The following TIMM29 variants were observed in gnomAD, a reference collection of about 807,000 sequenced individuals.
The protein encoded by TIMM29 is translocase of inner mitochondrial membrane 29.
Under a neutral mutation model 19.5 loss-of-function variants are expected in TIMM29, and 23 were observed. The observed-to-expected ratio is 1.18, with a 90% CI of 0.85 to 1.67. The LOEUF (loss-of-function observed/expected upper bound fraction) is 1.67. Ranked by LOEUF, TIMM29 falls within the 40% of genes most tolerant of loss-of-function variation. The pLI is 0.00. For missense variants in TIMM29, 404 were observed against 384.7 expected (o/e 1.05, Z -0.42); for synonymous variants, 209 against 185.0 (o/e 1.13, Z -1.05).
In TIMM29 at chr19:10,929,327, G is replaced by T. The variant is rs752972395; in HGVS notation, c.408G>T (p.Ala136=). The change falls in exon 2 of 2, where the codon GCG becomes GCT. Residue 136 remains alanine, a synonymous_variant. Coordinates refer to ENST00000270502, the MANE Select transcript of TIMM29 (RefSeq NM_138358.4). ...NLGLCSLVYE[A]PFDAQASLYQ... ...GGCTCTGCTCGCTGGTGTACGAGGC[G>T]CCCTTCGACGCCCAGGCCAGCCTCT... 2 of 1,560,236 alleles carry T rather than the reference G, an allele frequency of 1.3e-6. No homozygotes were observed. The highest frequency in any genetic ancestry group is 2.4e-5 in the East Asian group (1 of 41,956).
At position 10,929,723 on chromosome 19, in the gene TIMM29, C is replaced by T; in HGVS notation, c.*21C>T. On this transcript the variant is annotated 3_prime_UTR_variant, in exon 2 of 2. Coordinates refer to ENST00000270502, the MANE Select transcript of TIMM29 (RefSeq NM_138358.4). Reference sequence around the variant, plus strand: ...GATGAAACCCTGAGGCCCCCGAGTCCTGGCAAACTGCTTGCCTGGGGTGGT... The same window carrying T: ...GATGAAACCCTGAGGCCCCCGAGTCTTGGCAAACTGCTTGCCTGGGGTGGT... 4 of 1,561,644 alleles carry T rather than the reference C, an allele frequency of 2.6e-6. No homozygotes were observed. The South Asian group carries it at 4.6e-5, about 18-fold the overall frequency.
chr19:10,929,085 C>T lies in TIMM29; in HGVS notation c.166C>T (p.Arg56Trp), dbSNP rs2083470810. The change falls in exon 2 of 2, where the codon CGG (arginine) becomes TGG (tryptophan). Residue 56 changes from arginine (R) to tryptophan (W), a missense_variant. Transcript: ENST00000270502. ...GGACGCTTCGGCGGAGGCTAGGGCCCGGCCGGGGCGCGCCGCTGTGTATGT... is the reference window on the plus strand; with the variant it reads ...GGACGCTTCGGCGGAGGCTAGGGCCTGGCCGGGGCGCGCCGCTGTGTATGT... ...CRDASAEARA[R>W]PGRAAVYVGL... is the part of the protein sequence containing the mutation. 6 of 1,458,092 alleles carry T rather than the reference C, an allele frequency of 4.1e-6. No homozygotes were observed. Among genetic ancestry groups the T allele is most frequent in the Non-Finnish European group, 5.4e-6 (6 of 1,118,506 alleles). The allele number at this position is 1,458,092 out of a possible 1,614,324, so 90.3% of individuals were successfully genotyped here. A position where few individuals can be genotyped will look rare whatever the true frequency, so the allele number is the denominator to read the frequency against.
chr19:10,929,720 G>A lies in TIMM29; in HGVS notation c.*18G>A, dbSNP rs1277787114. On this transcript the variant is annotated 3_prime_UTR_variant, in exon 2 of 2. Coordinates refer to ENST00000270502, the MANE Select transcript of TIMM29 (RefSeq NM_138358.4). ...CGAGATGAAACCCTGAGGCCCCCGAGTCCTGGCAAACTGCTTGCCTGGGGT... is the reference window on the plus strand; with the variant it reads ...CGAGATGAAACCCTGAGGCCCCCGAATCCTGGCAAACTGCTTGCCTGGGGT... 6.4e-7 allele frequency: 1 copy of A among 1,568,128 alleles called. No homozygotes were observed. The highest frequency in any genetic ancestry group is 8.7e-7 in the Non-Finnish European group (1 of 1,155,276).
rs945018907 is a variant in TIMM29, at chr19:10,929,082, G to C, written c.163G>C (p.Ala55Pro). 150 of 1,459,710 alleles carry C rather than the reference G, an allele frequency of 1.0e-4. No individual in the cohort carries two copies. The highest frequency in any genetic ancestry group is 1.3e-4 in the Non-Finnish European group (142 of 1,119,336). 90.4% of individuals were successfully genotyped at this position (1,459,710 alleles called of 1,614,324 possible). A position where few individuals can be genotyped will look rare whatever the true frequency, so the allele number is the denominator to read the frequency against. The part of the protein sequence containing the change: ...ACRDASAEAR[A>P]RPGRAAVYVG... ...CAGGGACGCTTCGGCGGAGGCTAGG[G>C]CCCGGCCGGGGCGCGCCGCTGTGTA... The change falls in exon 2 of 2, where the codon GCC becomes CCC. Residue 55 changes from alanine to proline, a missense_variant. Coordinates refer to ENST00000270502, the MANE Select transcript of TIMM29 (RefSeq NM_138358.4).
At position 10,928,894 on chromosome 19, in the gene TIMM29, G is replaced by A. The variant is rs544209641; in HGVS notation, c.72G>A (p.Lys24=). 154 of 1,524,740 alleles carry A rather than the reference G, an allele frequency of 1.0e-4. No individual in the cohort carries two copies. In the African/African-American group the frequency reaches 2.0e-3, roughly 20 times the overall value. 94.5% of individuals were successfully genotyped at this position (1,524,740 alleles called of 1,614,324 possible). A position where few individuals can be genotyped will look rare whatever the true frequency, so the allele number is the denominator to read the frequency against. The change falls in exon 1 of 2, where the codon AAG becomes AAA. Residue 24 remains lysine, a synonymous_variant. Coordinates refer to ENST00000270502, the MANE Select transcript of TIMM29 (RefSeq NM_138358.4). ...RAEAGDAVVA[K]PGVWARLGSW... ...AGGCGGGCGACGCGGTAGTGGCGAA[G>A]CCGGGAGTGTGGGCGCGGCTGGGTG...
Position 10,929,699 on chromosome 19 carries a change from A to T in TIMM29, c.780A>T (p.Arg260Ser). 2 of 1,596,080 alleles carry T rather than the reference A, an allele frequency of 1.3e-6. No individual in the cohort carries two copies. The highest frequency in any genetic ancestry group is 3.5e-5 in the Admixed American group (2 of 57,340). The change falls in exon 2 of 2, where the codon AGA becomes AGT. Residue 260 changes from arginine (R) to serine (S), a missense_variant. Arg to Ser is a moderately radical substitution (Grantham distance 110, BLOSUM62 -1). Coordinates refer to ENST00000270502, the MANE Select transcript of TIMM29 (RefSeq NM_138358.4). ...CGCTGGTGCAGGCGGAGGCCCCGAG[A>T]TGAAACCCTGAGGCCCCCGAGTCCT... is the stretch of plus-strand genomic sequence containing the variant. ...AHSLVQAEAPR is the reference protein window; with the variant it reads ...AHSLVQAEAPS
chr19:10,928,854 C>T lies in TIMM29; in HGVS notation c.32C>T (p.Ser11Phe), dbSNP rs1037023549. 2 of 1,527,042 alleles carry T rather than the reference C, an allele frequency of 1.3e-6. No individual in the cohort carries two copies. Among genetic ancestry groups the T allele is most frequent in the African/African-American group, 2.9e-5 (2 of 69,366 alleles). The allele number at this position is 1,527,042 out of a possible 1,614,324, so 94.6% of individuals were successfully genotyped here. The stretch of plus-strand genomic sequence containing the variant: ...GCGGCGGCTCTGAGGAGATTTTGGT[C>T]CCGGCGCCGCGCAGAGGCGGGCGAC... MAAAALRRFW[S>F]RRRAEAGDAV... Residue 11 changes from serine to phenylalanine, a missense_variant, in exon 1 of 2, where the codon TCC (serine) becomes TTC (phenylalanine). Physicochemically the swap from Ser to Phe is radical, Grantham distance 155 (BLOSUM62 -2). Coordinates refer to ENST00000270502, the MANE Select transcript of TIMM29 (RefSeq NM_138358.4).
Position 10,929,581 on chromosome 19 carries a change from T to G in TIMM29, c.662T>G (p.Val221Gly), listed in dbSNP as rs774150261. 3.1e-6 allele frequency: 5 copies of G among 1,613,048 alleles called. No individual in the cohort carries two copies. In the South Asian group the frequency reaches 5.5e-5, roughly 18 times the overall value. Residue 221 changes from valine to glycine, a missense_variant, in exon 2 of 2, where the codon GTG becomes GGG. Physicochemically the swap from Val to Gly is moderately radical, Grantham distance 109 (BLOSUM62 -3). Transcript: ENST00000270502. ...RLFDEKYKPV[V>G]LTDDQVDQAL... is the part of the protein sequence containing the mutation. ...TTCGATGAGAAGTACAAGCCTGTCG[T>G]GCTCACCGACGATCAGGTGGACCAG...
In TIMM29 at chr19:10,929,504, T is replaced by C. The variant is rs1005301767; in HGVS notation, c.585T>C (p.His195=). 1.2e-6 allele frequency: 2 copies of C among 1,613,020 alleles called. No individual in the cohort carries two copies. The highest frequency in any genetic ancestry group is 1.7e-6 in the Non-Finnish European group (2 of 1,180,002). The change falls in exon 2 of 2, where the codon CAT becomes CAC. Residue 195 remains histidine (H), a synonymous_variant. Coordinates refer to ENST00000270502, the MANE Select transcript of TIMM29 (RefSeq NM_138358.4). ...NDDEFLHLPA[H]LRVVGPQQLH... Reference sequence around the variant, plus strand: ...ACGAATTCCTGCACCTGCCGGCGCATTTGCGGGTGGTCGGGCCCCAGCAGC... The same window carrying C: ...ACGAATTCCTGCACCTGCCGGCGCACTTGCGGGTGGTCGGGCCCCAGCAGC...
Position 10,929,013 on chromosome 19 carries a change from G to A in TIMM29, c.95-1G>A. The A allele has an allele frequency of 2.0e-6, 3 of 1,463,566 alleles. No homozygotes were observed. Among genetic ancestry groups the A allele is most frequent in the Non-Finnish European group, 2.7e-6 (3 of 1,123,746 alleles). The allele number at this position is 1,463,566 out of a possible 1,614,324, so 90.7% of individuals were successfully genotyped here. A position where few individuals can be genotyped will look rare whatever the true frequency, so the allele number is the denominator to read the frequency against. On this transcript the variant is annotated splice_acceptor_variant, in intron 1 of 1. Transcript: ENST00000270502. LOFTEE classifies it high-confidence loss of function. ...CTCTTACCGCGCTCCTCTCCCCTCA[G>A]GGTCCTGGGCCCGCGCGCTGCTCCG...
Position 10,929,424 on chromosome 19 carries a change from G to A in TIMM29, c.505G>A (p.Val169Met), listed in dbSNP as rs1165668589. 5 of 1,611,550 alleles carry A rather than the reference G, an allele frequency of 3.1e-6. No homozygotes were observed. Among genetic ancestry groups the A allele is most frequent in the South Asian group, 2.2e-5 (2 of 91,054 alleles). ...CGGCCGGGTCCTGGACGTGGGCTTC[G>A]TGGGTCGCTGGTGGGTGCTGGGGGC... ...FPGRVLDVGF[V>M]GRWWVLGAWM... Residue 169 changes from valine to methionine, a missense_variant, in exon 2 of 2, where the codon GTG becomes ATG. Val to Met is a conservative substitution (Grantham distance 21). Coordinates refer to ENST00000270502, the MANE Select transcript of TIMM29 (RefSeq NM_138358.4).
rs1957531248 is a variant in TIMM29 at position 10,929,650 on chromosome 19, G to A, written c.731G>A (p.Arg244Lys). 6.2e-7 allele frequency: 1 copy of A among 1,612,842 alleles called. No homozygotes were observed. Among genetic ancestry groups the A allele is most frequent in the Non-Finnish European group, 8.5e-7 (1 of 1,179,898 alleles). ...EQVLQKEKKD[R>K]LALSQAHSLV... ...GTCTTGCAGAAGGAGAAGAAGGACA[G>A]GCTCGCCCTGAGCCAGGCCCACTCG... The change falls in exon 2 of 2, where the codon AGG (arginine) becomes AAG (lysine). Residue 244 changes from arginine (R) to lysine (K), a missense_variant. Coordinates refer to ENST00000270502, the MANE Select transcript of TIMM29 (RefSeq NM_138358.4).
chr19:10,929,208 C>A lies in TIMM29; in HGVS notation c.289C>A (p.Leu97Met). The stretch of plus-strand genomic sequence containing the variant: ...GGAGGCGTCGGGGACCCTCCTGCTG[C>A]TGGCGCCGGCCACCCGCAACCGCGA... ...LLEASGTLLL[L>M]APATRNRESE... The change falls in exon 2 of 2, where the codon CTG becomes ATG. Residue 97 changes from leucine (L) to methionine (M), a missense_variant. Physicochemically the swap from Leu to Met is conservative, Grantham distance 15. Coordinates refer to ENST00000270502, the MANE Select transcript of TIMM29 (RefSeq NM_138358.4). 1 of 1,480,100 alleles carries A rather than the reference C, an allele frequency of 6.8e-7. No homozygotes were observed. The highest frequency in any genetic ancestry group is 8.9e-7 in the Non-Finnish European group (1 of 1,120,664). The allele number at this position is 1,480,100 out of a possible 1,614,324, so 91.7% of individuals were successfully genotyped here. A position where few individuals can be genotyped will look rare whatever the true frequency, so the allele number is the denominator to read the frequency against.
Position 10,928,819 on chromosome 19 carries a change from GA to G in TIMM29, c.-3del. 1.3e-6 allele frequency: 2 copies of G among 1,529,832 alleles called. No individual in the cohort carries two copies. Among genetic ancestry groups the G allele is most frequent in the Non-Finnish European group, 1.8e-6 (2 of 1,141,266 alleles). 94.8% of individuals were successfully genotyped at this position (1,529,832 alleles called of 1,614,324 possible). On this transcript the variant is annotated 5_prime_UTR_variant, in exon 1 of 2. Coordinates refer to ENST00000270502, the MANE Select transcript of TIMM29 (RefSeq NM_138358.4). ...CGGAGCAAGGACCCCCAAGACGGAA[GA>G]GGATGGCCGCGGCGGCTCTGAGGAG...
rs1419087221 is a variant in TIMM29 at position 10,929,023 on chromosome 19, C to G, written c.104C>G (p.Ala35Gly). ...PGVWARLGSW[A>G]RALLRDYAEA... The stretch of plus-strand genomic sequence containing the variant: ...GCTCCTCTCCCCTCAGGGTCCTGGG[C>G]CCGCGCGCTGCTCCGGGACTACGCC... The change falls in exon 2 of 2, where the codon GCC (alanine) becomes GGC (glycine). Residue 35 changes from alanine to glycine, a missense_variant. Ala to Gly is a moderately conservative substitution (Grantham distance 60). Coordinates refer to ENST00000270502, the MANE Select transcript of TIMM29 (RefSeq NM_138358.4). 6.8e-7 allele frequency: 1 copy of G among 1,463,296 alleles called. No homozygotes were observed. Among genetic ancestry groups the G allele is most frequent in the Non-Finnish European group, 8.9e-7 (1 of 1,123,826 alleles). 90.6% of individuals were successfully genotyped at this position (1,463,296 alleles called of 1,614,324 possible). A position where few individuals can be genotyped will look rare whatever the true frequency, so the allele number is the denominator to read the frequency against.
Position 10,929,845 on chromosome 19 carries a change from C to T in TIMM29, c.*143C>T, listed in dbSNP as rs550247327. The T allele has an allele frequency of 7.5e-6, 7 of 937,264 alleles. No individual in the cohort carries two copies. The highest frequency in any genetic ancestry group is 5.3e-5 in the South Asian group (3 of 56,500). 58.1% of individuals were successfully genotyped at this position (937,264 alleles called of 1,614,324 possible). On this transcript the variant is annotated 3_prime_UTR_variant, in exon 2 of 2. Coordinates refer to ENST00000270502, the MANE Select transcript of TIMM29 (RefSeq NM_138358.4). Reference sequence around the variant, plus strand: ...TGCACAAGTTTGGGGAGCCTTTCTGCCCCCCGTCTTTGTTCTTTATTAGCT... The same window carrying T: ...TGCACAAGTTTGGGGAGCCTTTCTGTCCCCCGTCTTTGTTCTTTATTAGCT...
chr19:10,929,009 C>G lies in TIMM29; in HGVS notation c.95-5C>G. On this transcript the variant is annotated splice_region_variant and splice_polypyrimidine_tract_variant and intron_variant, in intron 1 of 1. Coordinates refer to ENST00000270502, the MANE Select transcript of TIMM29 (RefSeq NM_138358.4). ...ATCACTCTTACCGCGCTCCTCTCCC[C>G]TCAGGGTCCTGGGCCCGCGCGCTGC... 2.7e-6 allele frequency: 4 copies of G among 1,462,104 alleles called. No homozygotes were observed. Among genetic ancestry groups the G allele is most frequent in the Non-Finnish European group, 3.6e-6 (4 of 1,122,584 alleles). 90.6% of individuals were successfully genotyped at this position (1,462,104 alleles called of 1,614,324 possible).
chr19:10,929,799 A>G lies in TIMM29; in HGVS notation c.*97A>G. 2 of 1,279,028 alleles carry G rather than the reference A, an allele frequency of 1.6e-6. No individual in the cohort carries two copies. Among genetic ancestry groups the G allele is most frequent in the East Asian group, 2.6e-5 (1 of 39,066 alleles). 79.2% of individuals were successfully genotyped at this position (1,279,028 alleles called of 1,614,324 possible). A position where few individuals can be genotyped will look rare whatever the true frequency, so the allele number is the denominator to read the frequency against. ...AGAACAGCTGAGACAGATGATGTGC[A>G]AAGTGTTTTCTCACTGGATTTGCAC... On this transcript the variant is annotated 3_prime_UTR_variant, in exon 2 of 2. Coordinates refer to ENST00000270502, the MANE Select transcript of TIMM29 (RefSeq NM_138358.4).
chr19:10,929,021 G>T lies in TIMM29; in HGVS notation c.102G>T (p.Trp34Cys), dbSNP rs980235010. ...GCGCTCCTCTCCCCTCAGGGTCCTG[G>T]GCCCGCGCGCTGCTCCGGGACTACG... is the stretch of plus-strand genomic sequence containing the variant. ...KPGVWARLGSWARALLRDYAE... is the reference protein window; with the variant it reads ...KPGVWARLGSCARALLRDYAE... The change falls in exon 2 of 2, where the codon TGG becomes TGT. Residue 34 changes from tryptophan to cysteine, a missense_variant. Physicochemically the swap from Trp to Cys is radical, Grantham distance 215 (BLOSUM62 -2). Transcript: ENST00000270502. 6.8e-7 allele frequency: 1 copy of T among 1,464,252 alleles called. No individual in the cohort carries two copies. The highest frequency in any genetic ancestry group is 1.5e-5 in the African/African-American group (1 of 67,026). 90.7% of individuals were successfully genotyped at this position (1,464,252 alleles called of 1,614,324 possible). A position where few individuals can be genotyped will look rare whatever the true frequency, so the allele number is the denominator to read the frequency against.
Sources: gnomAD v4.1 joint callset for allele counts on GRCh38, gnomAD v4.1.1 for gene constraint, MANE v1.5 for transcripts, NCBI Gene and HGNC (gene_info 2026-07-23, HGNC 2026-07-21) for gene names.